Variants in ATOSA observed in about 807,000 individuals in gnomAD.
ATOSA encodes the protein atos homolog A.
chr15:52,629,727 G>A, the ATOSA span: 82 of 272,492 alleles, frequency 3.0e-4, no homozygotes, highest in Admixed American at 1.5e-3. Context: ...GCTTGAACCC[G>A]GGAGGCAGAG....
chr15:52,707,014 C>T, the ATOSA span, among the ~76,000 whole-genome samples: 1 of 152,180 alleles, frequency 6.6e-6, no homozygotes, highest in East Asian at 1.9e-4. Context: ...CTGAGTTGCA[C>T]ATTTTGAAAG....
chr15:52,629,909 A>C, the ATOSA span, among the ~76,000 whole-genome samples: 1 of 152,198 alleles, frequency 6.6e-6, no homozygotes, highest in African/African-American at 2.4e-5. Context: ...AAACAAAACA[A>C]ATGAAGTAGA....
the ATOSA span, among the ~76,000 whole-genome samples, chr15:52,691,027 A>C: frequency 3.3e-5 from 5 of 152,316 alleles, no homozygotes; most frequent in East Asian, 7.7e-4. Context: ...ATTAAGAATG[A>C]ATGTCTTTCC....
the ATOSA span, among the ~76,000 whole-genome samples, chr15:52,670,318 G>GT: frequency 6.6e-6 from 1 of 152,172 alleles, no homozygotes; most frequent in South Asian, 2.1e-4. Flanking sequence ...AGTGCTAGGC[G>GT]TATGTTAAGT....
chr15:52,614,112 C>T, the ATOSA span, among the ~76,000 whole-genome samples: 1 of 151,342 alleles, frequency 6.6e-6, no homozygotes, highest in African/African-American at 2.4e-5. Flanking sequence ...ATAATAATTA[C>T]TATTATTTTT....
At chr15:52,699,095 T>C in the ATOSA span, among the ~76,000 whole-genome samples, 1 of 152,198 alleles carries the variant, frequency 6.6e-6, no homozygotes, top group Non-Finnish European at 1.5e-5. Flanking sequence ...TGCACAGTAC[T>C]AGCATCAGCT....
chr15:52,621,034 G>A, the ATOSA span, among the ~76,000 whole-genome samples: 2 of 152,118 alleles, frequency 1.3e-5, no homozygotes, highest in Non-Finnish European at 2.9e-5. Flanking sequence ...TTATCCCCAG[G>A]AAATAACAGG....
the ATOSA span, among the ~76,000 whole-genome samples, chr15:52,614,917 T>C: frequency 1.3e-5 from 2 of 152,194 alleles, no homozygotes; most frequent in African/African-American, 4.8e-5. Flanking sequence ...CACTAATAGC[T>C]AAAAGGTTAA....
chr15:52,613,584 G>A, the ATOSA span: 8 of 1,328,462 alleles, frequency 6.0e-6, no homozygotes, highest in Non-Finnish European at 8.2e-6. Context: ...ATTGAAATAT[G>A]ACAATTATAA....
At chr15:52,608,600 T>C in the ATOSA span, 3 of 1,597,552 alleles carry the variant, frequency 1.9e-6, no homozygotes, top group South Asian at 1.1e-5. Context: ...TGCTCACATG[T>C]AGACAAACAG....
chr15:52,658,681 G>A, the ATOSA span: 2 of 397,478 alleles, frequency 5.0e-6, no homozygotes, highest in Admixed American at 4.4e-5. Context: ...AAGGGATAGT[G>A]GAGGCCAGGC....
At chr15:52,702,088 C>T in the ATOSA span, among the ~76,000 whole-genome samples, 5 of 152,112 alleles carry the variant, frequency 3.3e-5, no homozygotes, top group South Asian at 6.2e-4. Flanking sequence ...CATACCAGTC[C>T]GAATGGCTAT....
chr15:52,694,572 A>G, the ATOSA span, among the ~76,000 whole-genome samples: 82,328 of 151,790 alleles, frequency 0.54, 22,620 homozygotes, highest in Middle Eastern at 0.61. Context: ...GGTGGCTCAC[A>G]ACTATAATCC....
At chr15:52,605,161 TGAG>T in the ATOSA span, 1 of 1,610,002 alleles carries the variant, frequency 6.2e-7, no homozygotes. Flanking sequence ...CAATCCAGTT[TGAG>T]GATGAAAGGC....
chr15:52,647,334 G>T, the ATOSA span, among the ~76,000 whole-genome samples: 1 of 152,106 alleles, frequency 6.6e-6, no homozygotes, highest in Admixed American at 6.6e-5. Context: ...AATAACATAT[G>T]TCAGCTCAAA....
the ATOSA span, among the ~76,000 whole-genome samples, chr15:52,685,125 T>C: frequency 6.6e-6 from 1 of 152,252 alleles, no homozygotes; most frequent in Non-Finnish European, 1.5e-5. Flanking sequence ...TGCTGTAGGA[T>C]TCAGTGGCTT....
chr15:52,664,666 C>T, the ATOSA span, among the ~76,000 whole-genome samples: 11 of 152,286 alleles, frequency 7.2e-5, no homozygotes, highest in Admixed American at 3.9e-4. Flanking sequence ...CTAGAGTGTG[C>T]GCATGGTGGC....
At chr15:52,656,361 C>A in the ATOSA span, 2 of 152,034 alleles carry the variant, frequency 1.3e-5, no homozygotes, top group Non-Finnish European at 2.9e-5. Context: ...ACATGAGATT[C>A]CTAGCAATCA....
the ATOSA span, among the ~76,000 whole-genome samples, chr15:52,703,162 T>C: frequency 3.3e-5 from 5 of 152,182 alleles, no homozygotes; most frequent in Non-Finnish European, 7.3e-5. Context: ...AGAGTACACA[T>C]GGTTCGATTT....
Sources: allele counts gnomAD v4.1 joint callset (sites outside exome capture counted in the v4.1 genomes callset), GRCh38; gene constraint gnomAD v4.1.1; transcripts MANE v1.5; gene names NCBI Gene and HGNC (gene_info 2026-07-23, HGNC 2026-07-21).